ACSL6: variants seen among roughly 807,000 people sequenced by gnomAD.
ACSL6 encodes acyl-CoA synthetase long chain family member 6.
In ACSL6, 47 loss-of-function variants were observed where a neutral mutation model predicts 98.2. The observed-to-expected ratio is 0.48, with a 90% CI of 0.38 to 0.61. The LOEUF (loss-of-function observed/expected upper bound fraction) is 0.61, where lower values mean the gene tolerates loss of function less well. Ranked by LOEUF, ACSL6 falls within the 20% of genes least tolerant of loss-of-function variation. ACSL6 has a pLI of 0.00. For synonymous variants in ACSL6, 362 were observed against 336.9 expected (o/e 1.07, Z -0.82); for missense variants, 761 against 913.4 (o/e 0.83, Z 2.15).
At chr5:131,982,435 GC>G (rs1196507075) in intron 9 of ACSL6, 2 of 152,318 alleles carry the variant, frequency 1.3e-5, no homozygotes, top group East Asian at 3.9e-4. Flanking sequence ...GAGCCACCGC[GC>G]CCGGGACCAG....
chr5:131,970,214 A>C lies in ACSL6; in HGVS notation c.1435-14T>G. ...ACCTTCATAAACCTTCAAACAAAAC[A>C]CAGAAGCCACACTATGGGCACACAC... is the stretch of plus-strand genomic sequence containing the variant. On this transcript the variant is annotated splice_polypyrimidine_tract_variant and intron_variant, in intron 14 of 20. Coordinates refer to ENST00000651883, the MANE Select transcript of ACSL6 (RefSeq NM_001009185.3). 1 of 1,613,612 alleles carries C rather than the reference A, an allele frequency of 6.2e-7. No homozygotes were observed. Among genetic ancestry groups the C allele is most frequent in the African/African-American group, 1.3e-5 (1 of 74,964 alleles).
intron 14 of ACSL6, among the ~76,000 whole-genome samples, chr5:131,970,991 T>A (rs1753275300): frequency 6.6e-6 from 1 of 152,064 alleles, no homozygotes; most frequent in African/African-American, 2.4e-5. Flanking sequence ...AGCAGAAAAA[T>A]TTAAGCACGC....
At position 131,990,880 on chromosome 5, in the gene ACSL6, C is replaced by G. The variant is rs140678426; in HGVS notation, c.358G>C (p.Val120Leu). 2 of 1,613,892 alleles carry G rather than the reference C, an allele frequency of 1.2e-6. No individual in the cohort carries two copies. The highest frequency in any genetic ancestry group is 1.3e-5 in the African/African-American group (1 of 74,842). Residue 120 changes from valine to leucine, a missense_variant, in exon 3 of 21, where the codon GTG becomes CTG. Transcript: ENST00000651883. ...GAGATGCTAAGCCCACGGCGGAACA[C>G]CTGGTACATGGTCCGGGCATCATCA... ...YYDDARTMYQ[V>L]FRRGLSISGN...
Position 131,970,654 on chromosome 5 carries a change from C to T in ACSL6, c.1435-454G>A, listed in dbSNP as rs192195487. Among the ~76,000 whole-genome samples, 69 of 152,172 alleles carry T rather than the reference C, an allele frequency of 4.5e-4. 1 individual carries two copies. In the East Asian group the frequency reaches 8.9e-3, roughly 20 times the overall value. On this transcript the variant is annotated intron_variant, in intron 14 of 20. Transcript: ENST00000651883. ...TTGATCTCCTGACCTCGTGATCCACCCACCTCGGCCTCCCAAAGTGCTGGG... is the reference window on the plus strand; with the variant it reads ...TTGATCTCCTGACCTCGTGATCCACTCACCTCGGCCTCCCAAAGTGCTGGG...
At chr5:131,993,783 G>A (rs748119362) in intron 2 of ACSL6, 2 of 511,152 alleles carry the variant, frequency 3.9e-6, no homozygotes, top group Non-Finnish European at 7.1e-6. Context: ...CGAGAAGCAG[G>A]CAAACTAGAG....
intron 19 of ACSL6, 76 bp downstream of exon 19, chr5:131,960,444 A>C: frequency 1.6e-6 from 2 of 1,267,098 alleles, no homozygotes; most frequent in Middle Eastern, 1.9e-4. Context: ...ACTGGTCTAC[A>C]ACTTTTCTGT....
At chr5:131,966,100 C>G (rs1318222056) in intron 17 of ACSL6, among the ~76,000 whole-genome samples, 1 of 152,194 alleles carries the variant, frequency 6.6e-6, no homozygotes, top group Admixed American at 6.5e-5. Context: ...ACATGTACCC[C>G]CTGTTCCTCC....
At chr5:131,966,659 A>T in intron 16 of ACSL6, 127 bp from the exon 17 acceptor site, 1 of 805,594 alleles carries the variant, frequency 1.2e-6, no homozygotes, top group Non-Finnish European at 2.1e-6. Flanking sequence ...TATGGCAGGG[A>T]TGGAAACAGA....
Position 131,971,538 on chromosome 5 carries a change from C to T in ACSL6, c.1434+12G>A, listed in dbSNP as rs1208422183. 6.3e-7 allele frequency: 1 copy of T among 1,591,268 alleles called. No individual in the cohort carries two copies. The highest frequency in any genetic ancestry group is 1.7e-4 in the Middle Eastern group (1 of 5,982). Reference sequence around the variant, plus strand: ...CCTGCTGTTTCCAAGGGAGGACACACAATGACAATACCTGGCACCCTAGAG... The same window carrying T: ...CCTGCTGTTTCCAAGGGAGGACACATAATGACAATACCTGGCACCCTAGAG... On this transcript the variant is annotated intron_variant, in intron 14 of 20. Coordinates refer to ENST00000651883, the MANE Select transcript of ACSL6 (RefSeq NM_001009185.3).
chr5:132,012,017 C>T, upstream of ACSL6: 1 of 1,436,576 alleles, frequency 7.0e-7, no homozygotes, highest in Non-Finnish European at 9.3e-7. Context: ...AACACGCGAC[C>T]CTGCCCCCGC....
At position 131,953,552 on chromosome 5, in the gene ACSL6, C is replaced by A; in HGVS notation, c.*682G>T. On this transcript the variant is annotated 3_prime_UTR_variant, in exon 21 of 21. Transcript: ENST00000651883. ...CCCAGGAGATGGAGACTGCAATGAG[C>A]CATGATTAAGCCACTGCACTCCAGC... 5.3e-6 allele frequency: 1 copy of A among 189,468 alleles called. No individual in the cohort carries two copies. The allele number at this position is 189,468 out of a possible 1,614,324, so 11.7% of individuals were successfully genotyped here.
chr5:131,959,445 G>C, intron 20 of ACSL6, 91 bp downstream of exon 20: 1 of 1,401,388 alleles, frequency 7.1e-7, no homozygotes, highest in Admixed American at 1.7e-5. Flanking sequence ...ACCATGAAAA[G>C]TCAGGAATCT....
At chr5:131,968,608 A>C (rs1057259437) in intron 15 of ACSL6, among the ~76,000 whole-genome samples, 1 of 152,186 alleles carries the variant, frequency 6.6e-6, no homozygotes, top group Non-Finnish European at 1.5e-5. Context: ...AAGGAATGGA[A>C]AGCTGGGATG....
At chr5:131,998,734 C>T (rs1407026716) in intron 1 of ACSL6, among the ~76,000 whole-genome samples, 2 of 152,348 alleles carry the variant, frequency 1.3e-5, no homozygotes, top group Non-Finnish European at 1.5e-5. Flanking sequence ...CCATACCACC[C>T]TCTCCATAGG....
rs1754458782 is a variant in ACSL6 at position 131,990,772 on chromosome 5, T to G, written c.385+81A>C. 3 of 1,308,106 alleles carry G rather than the reference T, an allele frequency of 2.3e-6. No homozygotes were observed. The Admixed American group carries it at 5.2e-5, about 23-fold the overall frequency. 81.0% of individuals were successfully genotyped at this position (1,308,106 alleles called of 1,614,324 possible). On this transcript the variant is annotated intron_variant, in intron 3 of 20. Transcript: ENST00000651883. ...TAGCTCACCTGCCATGGCCCTGGTA[T>G]CATGCTTGCATACCCACCCTTGCAC...
At chr5:131,972,305 G>A (rs1753352854) in intron 13 of ACSL6, among the ~76,000 whole-genome samples, 1 of 152,098 alleles carries the variant, frequency 6.6e-6, no homozygotes, top group Admixed American at 6.5e-5. Flanking sequence ...GATACTAAAG[G>A]GACAGAACAC....
rs1404393875 is a variant in ACSL6 at position 131,968,018 on chromosome 5, CCCT to C, written c.1515_1517del (p.Gly506del). 1.2e-6 allele frequency: 2 copies of C among 1,613,768 alleles called. No individual in the cohort carries two copies. Among genetic ancestry groups the C allele is most frequent in the Non-Finnish European group, 8.5e-7 (1 of 1,179,802 alleles). On this transcript the variant is annotated inframe_deletion, in exon 16 of 21. Coordinates refer to ENST00000651883, the MANE Select transcript of ACSL6 (RefSeq NM_001009185.3). ...TGATATGATTGCAGGGAAGTGGCGC[CCCT>C]ACGTGCCCTGGAACACCGGAGCAAG...
Position 131,959,564 on chromosome 5 carries a change from T to C in ACSL6, c.2003A>G (p.Lys668Arg), listed in dbSNP as rs767247472. The C allele has an allele frequency of 7.4e-6, 12 of 1,614,238 alleles. No homozygotes were observed. The highest frequency in any genetic ancestry group is 1.0e-5 in the Non-Finnish European group (12 of 1,180,040). ...CTCAAAAGAATGGAGTCCACTTTCT[T>C]TTCCTAACCTCACCATATCTTCCAA... is the stretch of plus-strand genomic sequence containing the variant. ...AILEDMVRLG[K>R]ESGLHSFEQV... The change falls in exon 20 of 21, where the codon AAA (lysine) becomes AGA (arginine). Residue 668 changes from lysine (K) to arginine (R), a missense_variant. Lys to Arg is a conservative substitution (Grantham distance 26). Coordinates refer to ENST00000651883, the MANE Select transcript of ACSL6 (RefSeq NM_001009185.3).
chr5:131,975,415 C>T (rs1012570132), intron 10 of ACSL6: 8 of 985,332 alleles, frequency 8.1e-6, no homozygotes, highest in Non-Finnish European at 8.4e-6. Flanking sequence ...CACCCCATTT[C>T]TCCAGGATCC....
Sources: gnomAD v4.1 joint callset for allele counts (sites outside exome capture counted in the v4.1 genomes callset) on GRCh38, gnomAD v4.1.1 for gene constraint, MANE v1.5 for transcripts, NCBI Gene and HGNC (gene_info 2026-07-23, HGNC 2026-07-21) for gene names.